TMEM67: variants seen among roughly 807,000 people sequenced by gnomAD.
TMEM67 encodes meckelin.
A neutral mutation model predicts 136.6 loss-of-function variants in TMEM67; 124 were observed. That is an observed-to-expected ratio of 0.91 (90% CI 0.78 to 1.05). TMEM67 has a LOEUF of 1.05. TMEM67 is among the 50% of genes least tolerant of loss of function. The pLI is 0.00. For missense variants in TMEM67, 1,107 were observed against 1,178.4 expected (o/e 0.94, Z 0.89); for synonymous variants, 364 against 390.5 (o/e 0.93, Z 0.80).
At chr8:93,785,664 C>T (rs1013792586) in intron 12 of TMEM67, 5 of 298,736 alleles carry the variant, frequency 1.7e-5, no homozygotes, top group South Asian at 7.9e-5. Context: ...CAAGCTGTCC[C>T]GAATATGCTT....
At chr8:93,785,166 T>C in intron 11 of TMEM67, 56 bp from the exon 12 acceptor site, 1 of 1,010,794 alleles carries the variant, frequency 9.9e-7, no homozygotes, top group South Asian at 1.4e-5. Flanking sequence ...ATTTTTTACT[T>C]TTTAGTACTT....
chr8:93,780,090 C>A (rs952322107), intron 7 of TMEM67, among the ~76,000 whole-genome samples: 1 of 151,990 alleles, frequency 6.6e-6, no homozygotes, highest in African/African-American at 2.4e-5. Context: ...TGGCAGACAC[C>A]CCTCCCCCTG....
At chr8:93,772,460 TTC>T (rs1278261647) in intron 6 of TMEM67, 127 bp from the exon 7 acceptor site, 1 of 692,826 alleles carries the variant, frequency 1.4e-6, no homozygotes, top group Non-Finnish European at 2.5e-6. Flanking sequence ...TTAAAATCAA[TTC>T]TTGTATTCCT....
chr8:93,826,552 G>C, the TMEM67 span, among the ~76,000 whole-genome samples: 1 of 152,194 alleles, frequency 6.6e-6, no homozygotes, highest in Non-Finnish European at 1.5e-5. Flanking sequence ...TTGGGTAGTG[G>C]AAAGTACACT....
chr8:93,791,419 T>C, intron 15 of TMEM67, 100 bp downstream of exon 15: 1 of 793,628 alleles, frequency 1.3e-6, no homozygotes, highest in Non-Finnish European at 2.1e-6. Flanking sequence ...CCAGCTATTC[T>C]TTCCCCAGAC....
At chr8:93,789,651 AAT>A (rs201197446) in intron 14 of TMEM67, among the ~76,000 whole-genome samples, 160 of 95,800 alleles carry the variant, frequency 1.7e-3, no homozygotes, top group African/African-American at 4.6e-3. Context: ...GTCTCAAAAA[AAT>A]ATATATATAT....
rs200145042 is a variant in TMEM67, at chr8:93,804,762, A to G, written c.2323A>G (p.Ile775Val). The G allele has an allele frequency of 1.1e-4, 164 of 1,534,500 alleles. No homozygotes were observed. The highest frequency in any genetic ancestry group is 1.7e-4 in the Middle Eastern group (1 of 5,910). Reference sequence around the variant, plus strand: ...GCTTCTTTTTATTCTCTTTTTATAGATATCAGTGTTTCTGTTATCCCACAA... The same window carrying G: ...GCTTCTTTTTATTCTCTTTTTATAGGTATCAGTGTTTCTGTTATCCCACAA... ...QFVDLCSMSN[I>V]SVFLLSHKCF... Residue 775 changes from isoleucine (I) to valine (V), a missense_variant and splice_region_variant, in exon 23 of 28, where the codon ATA (isoleucine) becomes GTA (valine). Physicochemically the swap from Ile to Val is conservative, Grantham distance 29 (BLOSUM62 3). Around this residue, in one of 3 missense-constraint regions of TMEM67, gnomAD observed 925 missense variants for 1,002.4 expected, o/e 0.92. Coordinates refer to ENST00000453321, the MANE Select transcript of TMEM67 (RefSeq NM_153704.6).
At chr8:93,811,259 T>A (rs1808686399) in intron 26 of TMEM67, 2 of 152,204 alleles carry the variant, frequency 1.3e-5, no homozygotes, top group South Asian at 4.1e-4. Flanking sequence ...CCTGGAGAAG[T>A]TTGAACTGGA....
chr8:93,780,820 T>C (rs548641307), intron 8 of TMEM67, 54 bp from the exon 9 acceptor site: 37 of 1,591,248 alleles, frequency 2.3e-5, no homozygotes, highest in African/African-American at 6.7e-5. Flanking sequence ...TCACAAATAC[T>C]AATAATAAGA....
chr8:93,831,101 C>A, the TMEM67 span, among the ~76,000 whole-genome samples: 2 of 152,210 alleles, frequency 1.3e-5, no homozygotes, highest in Non-Finnish European at 2.9e-5. Context: ...CTTTCACACA[C>A]GCCACATGGG....
rs1310613198 is a variant in TMEM67 at position 93,793,203 on chromosome 8, T to C, written c.1581T>C (p.Ala527=). The part of the protein sequence containing the change: ...HGEAHVQTDI[A]LGVLGGLAVL... ...ATTGTTCTTTTGTTTTTTAGATTGC[T>C]TTGGGTGTATTGGGTGGGCTAGCTG... is the stretch of plus-strand genomic sequence containing the variant. Residue 527 remains alanine (A), a synonymous_variant, in exon 16 of 28, where the codon GCT becomes GCC. Transcript: ENST00000453321. 2 of 1,613,796 alleles carry C rather than the reference T, an allele frequency of 1.2e-6. No homozygotes were observed. The highest frequency in any genetic ancestry group is 1.7e-6 in the Non-Finnish European group (2 of 1,179,798).
At chr8:93,794,522 T>G (rs1471595865) in intron 16 of TMEM67, among the ~76,000 whole-genome samples, 7 of 152,226 alleles carry the variant, frequency 4.6e-5, no homozygotes, top group Non-Finnish European at 1.0e-4. Flanking sequence ...TCTACTCACT[T>G]GATTTTTGCA....
At chr8:93,756,050 CAG>C in intron 2 of TMEM67, 184 bp downstream of exon 2, 1 of 487,592 alleles carries the variant, frequency 2.1e-6, no homozygotes, top group Non-Finnish European at 3.6e-6. Flanking sequence ...TTGGAGAAAA[CAG>C]AAATGTATTT....
intron 16 of TMEM67, among the ~76,000 whole-genome samples, chr8:93,794,433 G>A (rs939204343): frequency 6.6e-6 from 1 of 152,010 alleles, no homozygotes; most frequent in African/African-American, 2.4e-5. Context: ...TTCTGAATCC[G>A]CACAGTAGCT....
At chr8:93,757,685 A>T (rs1586334958) in intron 2 of TMEM67, among the ~76,000 whole-genome samples, 1 of 152,056 alleles carries the variant, frequency 6.6e-6, no homozygotes, top group Non-Finnish European at 1.5e-5. Flanking sequence ...ATAGAAGAAA[A>T]TATTCTCATA....
intron 23 of TMEM67, among the ~76,000 whole-genome samples, chr8:93,808,338 A>AAT (rs1291281651): frequency 7.1e-6 from 1 of 139,862 alleles, no homozygotes; most frequent in Non-Finnish European, 1.5e-5. Flanking sequence ...ATAGATAATA[A>AAT]ATATATATAT....
At chr8:93,779,525 C>T (rs1813712658) in intron 7 of TMEM67, among the ~76,000 whole-genome samples, 1 of 152,112 alleles carries the variant, frequency 6.6e-6, no homozygotes. Flanking sequence ...TGTTGGTGAC[C>T]TACAGATGGG....
At chr8:93,771,419 AG>A (rs1429093592) in intron 6 of TMEM67, among the ~76,000 whole-genome samples, 4 of 152,108 alleles carry the variant, frequency 2.6e-5, no homozygotes, top group Non-Finnish European at 5.9e-5. Context: ...TTTAGACTTT[AG>A]GGATTTCTTT....
chr8:93,773,074 G>A (rs898037110), intron 7 of TMEM67, among the ~76,000 whole-genome samples: 3 of 151,994 alleles, frequency 2.0e-5, no homozygotes, highest in South Asian at 4.1e-4. Context: ...TGGGGTGGGG[G>A]GTGCTATTTT....
Sources: gnomAD v4.1 joint callset for allele counts (sites outside exome capture counted in the v4.1 genomes callset) on GRCh38, gnomAD v4.1.1 for gene constraint, gnomAD v4.1.1 regional missense constraint, MANE v1.5 for transcripts, NCBI Gene and HGNC (gene_info 2026-07-23, HGNC 2026-07-21) for gene names.